Variants in CTNNA2 observed in about 807,000 individuals in gnomAD.
CTNNA2 encodes the protein catenin alpha 2.
CTNNA2 carries 42 observed loss-of-function variants against 101.0 expected under a neutral mutation model. That is an observed-to-expected ratio of 0.42 (90% CI 0.32 to 0.54). CTNNA2 has a LOEUF of 0.54. Among genes scored for constraint, CTNNA2 ranks in the 20% least tolerant of loss-of-function variants. The probability of loss-of-function intolerance (pLI) is 0.14; values close to 1 mark genes in which losing one functional copy is unlikely to be tolerated. For missense variants in CTNNA2, 871 were observed against 1,223.1 expected, an observed-to-expected ratio of 0.71 and a Z score of 4.29; for synonymous variants, 450 against 456.4, an observed-to-expected ratio of 0.99 and a Z score of 0.18.
At chr2:80,056,722 G>A (rs930705770) in intron 7 of CTNNA2, among the ~76,000 whole-genome samples, 5 of 152,136 alleles carry the variant, frequency 3.3e-5, no homozygotes, top group African/African-American at 1.2e-4. Context: ...GCTATGCAAG[G>A]TACTATGAAA....
chr2:80,619,092 T>C lies in CTNNA2; in HGVS notation c.2438T>C (p.Val813Ala). ...GGELIVSGTG[V>A]QSTFTTFYEV... ...GTATCTCTCGGAAATCAGACAGGAGTTCAGAGCACTTTCACTACCTTTTAT... is the reference window on the plus strand; with the variant it reads ...GTATCTCTCGGAAATCAGACAGGAGCTCAGAGCACTTTCACTACCTTTTAT... Residue 813 changes from valine (V) to alanine (A), a missense_variant, in exon 18 of 19, where the codon GTT becomes GCT. By Grantham distance (64) the Val-to-Ala change is moderately conservative. Transcript: ENST00000402739. 1 of 1,515,264 alleles carries C rather than the reference T, an allele frequency of 6.6e-7. No homozygotes were observed. Among genetic ancestry groups the C allele is most frequent in the Non-Finnish European group, 8.9e-7 (1 of 1,128,664 alleles). 93.9% of individuals were successfully genotyped at this position (1,515,264 alleles called of 1,614,324 possible).
intron 2 of CTNNA2, among the ~76,000 whole-genome samples, chr2:79,232,290 T>C (rs1416814730): frequency 6.6e-6 from 1 of 151,650 alleles, no homozygotes; most frequent in African/African-American, 2.4e-5. Flanking sequence ...TATCTAAGAC[T>C]TTTTTTTTCC....
chr2:79,229,000 T>A (rs1674456450), intron 2 of CTNNA2, among the ~76,000 whole-genome samples: 1 of 152,210 alleles, frequency 6.6e-6, no homozygotes. Context: ...TAGCACCATT[T>A]ATGGAATAAA....
At chr2:80,635,963 G>A (rs1168188774) in intron 18 of CTNNA2, among the ~76,000 whole-genome samples, 2 of 137,204 alleles carry the variant, frequency 1.5e-5, no homozygotes, top group Non-Finnish European at 3.1e-5. Flanking sequence ...TCTTAAGGAT[G>A]CCCATTGCTT....
At chr2:80,573,587 G>T (rs1224008152) in intron 12 of CTNNA2, among the ~76,000 whole-genome samples, 1 of 152,062 alleles carries the variant, frequency 6.6e-6, no homozygotes, top group Non-Finnish European at 1.5e-5. Context: ...AAGTGGGAAG[G>T]GTTGTATCAT....
chr2:79,621,929 A>G (rs773982791), intron 1 of CTNNA2, among the ~76,000 whole-genome samples: 3 of 152,190 alleles, frequency 2.0e-5, no homozygotes, highest in Non-Finnish European at 2.9e-5. Context: ...AAAATACCTG[A>G]TGAGTATTTC....
intron 1 of CTNNA2, among the ~76,000 whole-genome samples, chr2:79,616,136 T>C (rs1487063828): frequency 6.6e-6 from 1 of 152,112 alleles, no homozygotes; most frequent in Non-Finnish European, 1.5e-5. Flanking sequence ...GCAGAACAAG[T>C]TGGGTGGTAT....
intron 3 of CTNNA2, among the ~76,000 whole-genome samples, chr2:79,350,983 T>C (rs933157225): frequency 6.6e-6 from 1 of 152,214 alleles, no homozygotes; most frequent in Non-Finnish European, 1.5e-5. Context: ...GTTAATGTTT[T>C]TGTTTGTTTG....
chr2:80,641,429 G>C (rs1037105553), intron 18 of CTNNA2, among the ~76,000 whole-genome samples: 1 of 152,056 alleles, frequency 6.6e-6, no homozygotes, highest in Non-Finnish European at 1.5e-5. Flanking sequence ...CATGCATATT[G>C]TAAATATATG....
intron 1 of CTNNA2, among the ~76,000 whole-genome samples, chr2:79,588,032 A>G (rs1480341165): frequency 6.6e-6 from 1 of 152,236 alleles, no homozygotes; most frequent in African/African-American, 2.4e-5. Context: ...AGCACATTAT[A>G]GTAGGCTTAG....
intron 7 of CTNNA2, among the ~76,000 whole-genome samples, chr2:80,108,406 A>G (rs903033681): frequency 2.6e-5 from 4 of 152,144 alleles, no homozygotes; most frequent in Non-Finnish European, 5.9e-5. Context: ...CCTTTGGCAG[A>G]TGGTCTCAAG....
chr2:80,162,969 T>C, intron 7 of CTNNA2: 1 of 1,542,132 alleles, frequency 6.5e-7, no homozygotes, highest in Non-Finnish European at 9.0e-7. Context: ...ACTGACATCT[T>C]GCGAGGCATG....
intron 2 of CTNNA2, among the ~76,000 whole-genome samples, chr2:79,222,933 G>C (rs535363579): frequency 6.6e-6 from 1 of 152,082 alleles, no homozygotes; most frequent in African/African-American, 2.4e-5. Flanking sequence ...GAATTGCTGA[G>C]TCCAGTGTTT....
At chr2:80,033,218 A>C (rs1442972768) in intron 7 of CTNNA2, among the ~76,000 whole-genome samples, 1 of 151,958 alleles carries the variant, frequency 6.6e-6, no homozygotes, top group African/African-American at 2.4e-5. Context: ...CACATTAGCA[A>C]AAACATGACA....
chr2:79,193,079 T>C (rs1233217084), intron 1 of CTNNA2, among the ~76,000 whole-genome samples: 1 of 152,206 alleles, frequency 6.6e-6, no homozygotes, highest in Non-Finnish European at 1.5e-5. Context: ...TACTGCTTTG[T>C]ATAAGTTTAC....
intron 1 of CTNNA2, among the ~76,000 whole-genome samples, chr2:79,631,402 TGACACTGCC>T (rs60632752): frequency 0.14 from 20,855 of 152,114 alleles, 1,800 homozygotes; most frequent in East Asian, 0.36. Context: ...GAAAGAACTT[TGACACTGCC>T]CAGTGTCAAC....
At chr2:80,116,715 C>T (rs1253902292) in intron 7 of CTNNA2, among the ~76,000 whole-genome samples, 1 of 152,094 alleles carries the variant, frequency 6.6e-6, no homozygotes, top group East Asian at 1.9e-4. Context: ...GAGATAACAG[C>T]TACTGGAAGA....
intron 9 of CTNNA2, among the ~76,000 whole-genome samples, chr2:80,482,390 G>A (rs114950725): frequency 0.018 from 2,744 of 152,226 alleles, 52 homozygotes; most frequent in African/African-American, 0.057. Flanking sequence ...AATATTTAGA[G>A]CAGGGGTCAG....
chr2:79,409,187 T>C (rs569476778), intron 4 of CTNNA2, among the ~76,000 whole-genome samples: 97 of 152,334 alleles, frequency 6.4e-4, no homozygotes, highest in Middle Eastern at 3.4e-3. Context: ...TCATTGTAGA[T>C]TCTGGATATT....
Sources: allele counts gnomAD v4.1 joint callset (sites outside exome capture counted in the v4.1 genomes callset), GRCh38; gene constraint gnomAD v4.1.1; transcripts MANE v1.5; gene names NCBI Gene and HGNC (gene_info 2026-07-23, HGNC 2026-07-21).